The following MAPK9 variants were observed in gnomAD, a reference collection of about 807,000 sequenced individuals.
MAPK9 encodes Jun kinase.
A neutral mutation model predicts 57.1 loss-of-function variants in MAPK9; 30 were observed. The ratio of observed to expected loss-of-function variants is 0.53; its 90% CI spans 0.39 to 0.71. The LOEUF is 0.71. MAPK9 is among the 30% of genes least tolerant of loss of function. The pLI is 0.00. For missense variants in MAPK9, 362 were observed against 521.0 expected (o/e 0.69, Z 2.97); for synonymous variants, 155 against 177.0 (o/e 0.88, Z 0.99).
intron 5 of MAPK9, among the ~76,000 whole-genome samples, chr5:180,257,467 A>G (rs1159897418): frequency 6.6e-6 from 1 of 152,260 alleles, no homozygotes; most frequent in African/African-American, 2.4e-5. Flanking sequence ...CAATCTGTTG[A>G]TAAAATTAGT....
intron 2 of MAPK9, among the ~76,000 whole-genome samples, chr5:180,279,164 G>A (rs900320404): frequency 1.3e-5 from 2 of 152,042 alleles, no homozygotes; most frequent in Non-Finnish European, 2.9e-5. Context: ...CACCATGTTG[G>A]CCAGGATGGT....
intron 1 of MAPK9, among the ~76,000 whole-genome samples, chr5:180,290,464 C>T (rs1763132172): frequency 6.6e-6 from 1 of 152,318 alleles, no homozygotes; most frequent in Middle Eastern, 3.4e-3. Context: ...CTCTACTGGG[C>T]TCCTGGGCTC....
intron 4 of MAPK9, among the ~76,000 whole-genome samples, chr5:180,262,027 AC>A (rs985787285): frequency 8.5e-5 from 13 of 152,102 alleles, no homozygotes; most frequent in African/African-American, 1.9e-4. Context: ...AAAAAAAAAA[AC>A]AACAACCTTT....
intron 9 of MAPK9, 74 bp downstream of exon 9, chr5:180,240,957 T>C (rs1757590862): frequency 2.7e-6 from 4 of 1,506,162 alleles, no homozygotes; most frequent in Non-Finnish European, 3.6e-6. Context: ...GTAGCCACTC[T>C]GGACGGACAG....
chr5:180,255,605 T>C lies in MAPK9; in HGVS notation c.450+6079A>G, dbSNP rs535314130. Among the ~76,000 whole-genome samples, 5 of 151,904 alleles carry C rather than the reference T, an allele frequency of 3.3e-5. No individual in the cohort carries two copies. In the South Asian group the frequency reaches 1.0e-3, roughly 32 times the overall value. On this transcript the variant is annotated intron_variant, in intron 5 of 11. Transcript: ENST00000452135. ...ACACAAATAGAGTATAAGTGTTTGT[T>C]AACTCCAGGGAACAAAAGGTGAAAG... is the stretch of plus-strand genomic sequence containing the variant.
intron 5 of MAPK9, 35 bp from the exon 6 acceptor site, chr5:180,249,173 T>C: frequency 6.3e-7 from 1 of 1,581,884 alleles, no homozygotes; most frequent in African/African-American, 1.3e-5. Context: ...GTAAAATGAA[T>C]GAAGCATGCT....
chr5:180,242,313 G>A (rs1345275977), intron 8 of MAPK9, among the ~76,000 whole-genome samples: 1 of 152,136 alleles, frequency 6.6e-6, no homozygotes, highest in Non-Finnish European at 1.5e-5. Context: ...TTGAATTCCA[G>A]TTGCTGTAAC....
intron 5 of MAPK9, among the ~76,000 whole-genome samples, chr5:180,256,999 C>CA (rs1336785054): frequency 6.6e-6 from 1 of 152,208 alleles, no homozygotes; most frequent in Non-Finnish European, 1.5e-5. Context: ...TAGAATGGTA[C>CA]ATCAGGAGAT....
chr5:180,254,663 A>G (rs928352317), intron 5 of MAPK9, among the ~76,000 whole-genome samples: 4 of 152,214 alleles, frequency 2.6e-5, no homozygotes, highest in Non-Finnish European at 5.9e-5. Flanking sequence ...ACATCTCAGA[A>G]TACAAGGAAT....
intron 1 of MAPK9, among the ~76,000 whole-genome samples, chr5:180,285,574 T>C (rs1450426112): frequency 6.6e-6 from 1 of 152,184 alleles, no homozygotes; most frequent in Non-Finnish European, 1.5e-5. Context: ...AAAAGCAGAT[T>C]CTCACAATCA....
At chr5:180,264,020 T>A (rs1166633232) in intron 4 of MAPK9, among the ~76,000 whole-genome samples, 2 of 152,062 alleles carry the variant, frequency 1.3e-5, no homozygotes, top group African/African-American at 4.8e-5. Context: ...AACTTCTTTA[T>A]CCCCTTCAAG....
At chr5:180,250,432 A>G (rs985123486) in intron 5 of MAPK9, among the ~76,000 whole-genome samples, 2 of 152,194 alleles carry the variant, frequency 1.3e-5, no homozygotes, top group African/African-American at 4.8e-5. Context: ...TCACAAGAGT[A>G]GTGCACCTGC....
Position 180,236,369 on chromosome 5 carries a change from G to C in MAPK9, c.*15C>G, listed in dbSNP as rs765111829. On this transcript the variant is annotated 3_prime_UTR_variant, in exon 12 of 12. Coordinates refer to ENST00000452135, the MANE Select transcript of MAPK9 (RefSeq NM_002752.5). ...GAGTTCCTTCAATGCTGACAGGTTTGCTATTTCTAACCTATCATCGACAGC... is the reference window on the plus strand; with the variant it reads ...GAGTTCCTTCAATGCTGACAGGTTTCCTATTTCTAACCTATCATCGACAGC... 3.5e-5 allele frequency: 56 copies of C among 1,593,034 alleles called. No individual in the cohort carries two copies. The East Asian group carries it at 1.2e-3, about 35-fold the overall frequency.
rs748218115 is a variant in MAPK9 at position 180,233,823 on chromosome 5, C to T, written c.*2561G>A. ...ATTAAATGCGGGTTGAAGCAGCACC[C>T]GCTCCGTGTTTCAGACACGGACTTG... On this transcript the variant is annotated 3_prime_UTR_variant, in exon 12 of 12. Coordinates refer to ENST00000452135, the MANE Select transcript of MAPK9 (RefSeq NM_002752.5). 4 of 152,190 alleles carry T rather than the reference C, an allele frequency of 2.6e-5. No homozygotes were observed. The highest frequency in any genetic ancestry group is 3.9e-4 in the East Asian group (2 of 5,190). 9.4% of individuals were successfully genotyped at this position (152,190 alleles called of 1,614,324 possible). A position where few individuals can be genotyped will look rare whatever the true frequency, so the allele number is the denominator to read the frequency against.
intron 5 of MAPK9, among the ~76,000 whole-genome samples, chr5:180,251,507 A>G (rs943628911): frequency 6.6e-6 from 1 of 152,218 alleles, no homozygotes; most frequent in Admixed American, 6.5e-5. Flanking sequence ...CTGTGGTGAT[A>G]AAGTCCCAAG....
At chr5:180,243,832 C>G (rs750566318) in intron 7 of MAPK9, among the ~76,000 whole-genome samples, 5 of 152,180 alleles carry the variant, frequency 3.3e-5, no homozygotes, top group African/African-American at 4.8e-5. Flanking sequence ...CTGTCTCACA[C>G]CTTTTCCTTC....
chr5:180,246,454 T>C (rs1758111825), intron 7 of MAPK9: 2 of 152,228 alleles, frequency 1.3e-5, no homozygotes, highest in Admixed American at 1.3e-4. Context: ...ACCACTTTGA[T>C]AAAATTATTA....
At chr5:180,265,837 T>TC (rs1211520038) in intron 3 of MAPK9, among the ~76,000 whole-genome samples, 1 of 152,076 alleles carries the variant, frequency 6.6e-6, no homozygotes, top group Non-Finnish European at 1.5e-5. Flanking sequence ...TAAAACTGCA[T>TC]CCATATTTCA....
intron 8 of MAPK9, 129 bp from the exon 9 acceptor site, chr5:180,241,284 C>A: frequency 4.6e-5 from 42 of 913,840 alleles, no homozygotes; most frequent in Non-Finnish European, 5.6e-5. Context: ...TTGATAGGTT[C>A]AAGATGAATA....
Sources: allele counts gnomAD v4.1 joint callset (sites outside exome capture counted in the v4.1 genomes callset), GRCh38; gene constraint gnomAD v4.1.1; transcripts MANE v1.5; gene names NCBI Gene and HGNC (gene_info 2026-07-23, HGNC 2026-07-21).